The following PPFIA2 variants were observed in gnomAD, a reference collection of about 807,000 sequenced individuals.
The protein encoded by PPFIA2 is liprin-alpha-2.
A neutral mutation model predicts 175.5 loss-of-function variants in PPFIA2; 46 were observed. That is an observed-to-expected ratio of 0.26 (90% confidence interval 0.21 to 0.34). PPFIA2 has a LOEUF of 0.34. PPFIA2 is among the 10% of genes least tolerant of loss of function. PPFIA2 has a pLI of 1.00. For missense variants in PPFIA2, 1,179 were observed against 1,506.1 expected, an observed-to-expected ratio of 0.78 and a Z score of 3.60; for synonymous variants, 568 against 511.4, an observed-to-expected ratio of 1.11 and a Z score of -1.49.
At chr12:81,297,278 C>T (rs893752376) in intron 23 of PPFIA2, among the ~76,000 whole-genome samples, 2 of 152,122 alleles carry the variant, frequency 1.3e-5, no homozygotes, top group African/African-American at 2.4e-5. Context: ...AGACTCCTGA[C>T]CCATAGAAGT....
chr12:81,287,647 G>T (rs1205579298), intron 24 of PPFIA2, among the ~76,000 whole-genome samples: 1 of 151,864 alleles, frequency 6.6e-6, no homozygotes, highest in Non-Finnish European at 1.5e-5. Flanking sequence ...TTATAGGCAA[G>T]CTCATATGTA....
chr12:81,286,456 G>A (rs2043442087), intron 24 of PPFIA2, among the ~76,000 whole-genome samples: 1 of 151,518 alleles, frequency 6.6e-6, no homozygotes, highest in African/African-American at 2.4e-5. Flanking sequence ...AGACATATTT[G>A]GATACACAAA....
intron 5 of PPFIA2, among the ~76,000 whole-genome samples, chr12:81,453,211 G>A (rs933703733): frequency 7.4e-6 from 1 of 134,826 alleles, no homozygotes; most frequent in Non-Finnish European, 1.5e-5. Flanking sequence ...TGATCTCATT[G>A]TTCAATTCCC....
At chr12:81,344,572 A>G (rs2058709281) in intron 19 of PPFIA2, 92 bp downstream of exon 19, 1 of 902,970 alleles carries the variant, frequency 1.1e-6, no homozygotes, top group East Asian at 2.7e-5. Context: ...TTAATGTTTT[A>G]TCAACATTCG....
At chr12:81,594,577 T>A (rs1470505079) in intron 4 of PPFIA2, among the ~76,000 whole-genome samples, 2 of 152,088 alleles carry the variant, frequency 1.3e-5, no homozygotes, top group African/African-American at 4.8e-5. Context: ...AACTCATAAA[T>A]AAAAAATGTA....
At chr12:81,449,351 G>T (rs2051957305) in intron 5 of PPFIA2, among the ~76,000 whole-genome samples, 1 of 152,032 alleles carries the variant, frequency 6.6e-6, no homozygotes, top group African/African-American at 2.4e-5. Flanking sequence ...TTAAAGAGGA[G>T]GCAGTTTTTC....
At position 81,299,399 on chromosome 12, in the gene PPFIA2, A is replaced by C. The variant is rs2047269046; in HGVS notation, c.2643-17T>G. The C allele has an allele frequency of 1.9e-6, 3 of 1,565,264 alleles. No individual in the cohort carries two copies. Among genetic ancestry groups the C allele is most frequent in the Non-Finnish European group, 2.6e-6 (3 of 1,153,440 alleles). On this transcript the variant is annotated splice_polypyrimidine_tract_variant and intron_variant, in intron 22 of 32. Coordinates refer to ENST00000549396, the MANE Select transcript of PPFIA2 (RefSeq NM_003625.5). Reference sequence around the variant, plus strand: ...AGTTCATGCCTGAAGTATATAGCAAAGATTATTAGGCAGGTATATGGAAAA... The same window carrying C: ...AGTTCATGCCTGAAGTATATAGCAACGATTATTAGGCAGGTATATGGAAAA...
In PPFIA2 at chr12:81,330,764, A is replaced by T. The variant is rs1355528961; in HGVS notation, c.2549-4894T>A. On this transcript the variant is annotated intron_variant, in intron 21 of 32. Coordinates refer to ENST00000549396, the MANE Select transcript of PPFIA2 (RefSeq NM_003625.5). ...GTGGCTTCATCTTTCTTTCAGTAGA[A>T]CTGTCTTCATCATTAATAAATAGCA... Among the ~76,000 whole-genome samples, 7 of 152,216 alleles carry T rather than the reference A, an allele frequency of 4.6e-5. 1 individual carries two copies. The highest frequency in any genetic ancestry group is 4.6e-4 in the Admixed American group (7 of 15,282).
At chr12:81,473,694 A>T (rs2057087222) in intron 4 of PPFIA2, among the ~76,000 whole-genome samples, 1 of 152,168 alleles carries the variant, frequency 6.6e-6, no homozygotes, top group African/African-American at 2.4e-5. Context: ...GGAATTGTAA[A>T]TTTTTTACAT....
At chr12:81,407,772 A>T (rs188781917) in intron 7 of PPFIA2, among the ~76,000 whole-genome samples, 2 of 152,220 alleles carry the variant, frequency 1.3e-5, no homozygotes, top group Non-Finnish European at 2.9e-5. Context: ...AAAACAGTTG[A>T]GATACAACTC....
At chr12:81,278,722 A>T (rs1394641787) in intron 27 of PPFIA2, among the ~76,000 whole-genome samples, 1 of 152,190 alleles carries the variant, frequency 6.6e-6, no homozygotes, top group Admixed American at 6.5e-5. Flanking sequence ...GAGAGAGAAA[A>T]TGAGAAGGTT....
At chr12:81,294,653 CAT>C (rs1461973410) in intron 24 of PPFIA2, 180 bp downstream of exon 24, 25 of 628,200 alleles carry the variant, frequency 4.0e-5, no homozygotes, top group Middle Eastern at 4.4e-4. Flanking sequence ...TGATATGAAT[CAT>C]AGTTCCTCAT....
intron 4 of PPFIA2, among the ~76,000 whole-genome samples, chr12:81,461,204 C>T (rs2054481158): frequency 6.6e-6 from 1 of 152,020 alleles, no homozygotes; most frequent in South Asian, 2.1e-4. Context: ...TTTTGCCATG[C>T]CCCAAGCTAA....
At chr12:81,457,913 G>A in intron 4 of PPFIA2, 47 bp from the exon 5 acceptor site, 1 of 1,306,172 alleles carries the variant, frequency 7.7e-7, no homozygotes, top group South Asian at 1.4e-5. Flanking sequence ...AGATCTAAAA[G>A]CAGAAAAAAA....
intron 29 of PPFIA2, 63 bp from the exon 30 acceptor site, chr12:81,267,083 C>T (rs2037471432): frequency 1.6e-6 from 2 of 1,225,558 alleles, no homozygotes; most frequent in Admixed American, 3.7e-5. Context: ...AATCAAGTAG[C>T]TTATATTTAT....
At chr12:81,299,543 C>T (rs1397712232) in intron 22 of PPFIA2, among the ~76,000 whole-genome samples, 161 bp from the exon 23 acceptor site, 1 of 152,108 alleles carries the variant, frequency 6.6e-6, no homozygotes, top group East Asian at 1.9e-4. Context: ...AACACACACA[C>T]ATCATCCATT....
chr12:81,596,003 T>C (rs1012881918), intron 4 of PPFIA2, among the ~76,000 whole-genome samples: 2 of 152,188 alleles, frequency 1.3e-5, no homozygotes, highest in African/African-American at 4.8e-5. Context: ...ACAACCATTT[T>C]TGAAAATTTA....
At chr12:81,376,778 C>G (rs912001343) in intron 9 of PPFIA2, among the ~76,000 whole-genome samples, 1 of 152,030 alleles carries the variant, frequency 6.6e-6, no homozygotes, top group Admixed American at 6.6e-5. Flanking sequence ...ATGTGGGAAG[C>G]TTCTTTGTAT....
chr12:81,589,574 A>G (rs572259108), intron 4 of PPFIA2, among the ~76,000 whole-genome samples: 1 of 152,246 alleles, frequency 6.6e-6, no homozygotes, highest in South Asian at 2.1e-4. Context: ...TGTCTGCCCT[A>G]ATAGGTAAAC....
Sources: gnomAD v4.1 joint callset for allele counts (sites outside exome capture counted in the v4.1 genomes callset) on GRCh38, gnomAD v4.1.1 for gene constraint, MANE v1.5 for transcripts, NCBI Gene and HGNC (gene_info 2026-07-23, HGNC 2026-07-21) for gene names.